IQCM: variants seen among roughly 807,000 people sequenced by gnomAD.
The protein encoded by IQCM is IQ domain-containing protein M.
In IQCM, 45 loss-of-function variants were observed where a neutral mutation model predicts 57.6. That is an observed-to-expected ratio of 0.78 (90% CI 0.62 to 1.00). The LOEUF is 1.00. IQCM is among the 50% of genes least tolerant of loss of function. IQCM has a pLI of 0.00. For synonymous variants in IQCM, 148 were observed against 158.9 expected (o/e 0.93, Z 0.51); for missense variants, 468 against 511.6 (o/e 0.91, Z 0.82).
In IQCM at chr4:149,726,140, A is replaced by AAAAG. The variant is rs149830225; in HGVS notation, c.385+7100_385+7103dup. ...GAAAGAAAGAAAGAAAGAAAGAAAGAAAAGAAAGAAAGAAAGAATTTCATT... is the reference window on the plus strand; with the variant it reads ...GAAAGAAAGAAAGAAAGAAAGAAAGAAAAGAAAGAAAGAAAGAAAGAATTTCATT... On this transcript the variant is annotated intron_variant, in intron 5 of 13. Transcript: ENST00000636793. 6.5e-4 allele frequency among the ~76,000 whole-genome samples: 85 copies of AAAAG among 130,820 alleles called. 2 individuals carry two copies. The highest frequency in any genetic ancestry group is 1.3e-3 in the Non-Finnish European group (77 of 60,736). 85.8% of individuals were successfully genotyped at this position (130,820 alleles called of 152,430 possible). A position where few individuals can be genotyped will look rare whatever the true frequency, so the allele number is the denominator to read the frequency against.
Position 149,594,813 on chromosome 4 carries a change from C to T in IQCM, c.682-6816G>A, listed in dbSNP as rs1304708899. Among the ~76,000 whole-genome samples the T allele has an allele frequency of 2.0e-5, 3 of 152,130 alleles. No individual in the cohort carries two copies. In the East Asian group the frequency reaches 5.8e-4, roughly 29 times the overall value. On this transcript the variant is annotated intron_variant, in intron 8 of 13. Coordinates refer to ENST00000636793, the MANE Select transcript of IQCM (RefSeq NM_001363507.2). ...AGTTCTAGTTTGATTGTACTGTGGTCTGAGAGACAGTTTGTTGTAATTTCT... is the reference window on the plus strand; with the variant it reads ...AGTTCTAGTTTGATTGTACTGTGGTTTGAGAGACAGTTTGTTGTAATTTCT...
At chr4:149,357,088 T>C (rs1301863079) in intron 13 of IQCM, among the ~76,000 whole-genome samples, 2 of 152,216 alleles carry the variant, frequency 1.3e-5, no homozygotes, top group African/African-American at 4.8e-5. Context: ...TTTTTGCACA[T>C]TGATTTTGTA....
intron 12 of IQCM, among the ~76,000 whole-genome samples, chr4:149,547,692 G>T (rs762926830): frequency 5.9e-5 from 9 of 152,224 alleles, no homozygotes; most frequent in South Asian, 2.1e-4. Flanking sequence ...GACTATGAAT[G>T]GTGATGGATA....
chr4:149,477,696 C>T (rs942478121), intron 12 of IQCM, among the ~76,000 whole-genome samples: 3 of 152,048 alleles, frequency 2.0e-5, no homozygotes, highest in African/African-American at 7.2e-5. Context: ...AAGGATAGGT[C>T]ACTGTAAATG....
chr4:149,685,455 T>C (rs1196721052), intron 6 of IQCM, among the ~76,000 whole-genome samples: 3 of 151,458 alleles, frequency 2.0e-5, no homozygotes, highest in Non-Finnish European at 4.4e-5. Context: ...ACCTTTAGTA[T>C]TAAGGCTGTG....
At chr4:149,619,045 T>C (rs1756052282) in intron 8 of IQCM, among the ~76,000 whole-genome samples, 1 of 149,016 alleles carries the variant, frequency 6.7e-6, no homozygotes, top group South Asian at 2.1e-4. Flanking sequence ...CTGTTTACAA[T>C]AACAAAGTCA....
At chr4:149,556,329 A>T (rs1029121213) in intron 10 of IQCM, among the ~76,000 whole-genome samples, 20 of 147,482 alleles carry the variant, frequency 1.4e-4, no homozygotes, top group Non-Finnish European at 2.5e-4. Context: ...TAATTTATTC[A>T]TTGTTTGGAG....
chr4:149,652,265 G>A, intron 7 of IQCM, among the ~76,000 whole-genome samples: 1 of 152,012 alleles, frequency 6.6e-6, no homozygotes, highest in South Asian at 2.1e-4. Context: ...ATGGACACAC[G>A]GAGGGAAACT....
chr4:149,749,467 G>A (rs148196193), intron 2 of IQCM, among the ~76,000 whole-genome samples: 1 of 152,098 alleles, frequency 6.6e-6, no homozygotes, highest in Non-Finnish European at 1.5e-5. Context: ...ATAATATAAA[G>A]TTCAAAAACA....
chr4:149,748,411 G>C (rs999169285), intron 2 of IQCM, among the ~76,000 whole-genome samples: 5 of 152,158 alleles, frequency 3.3e-5, no homozygotes, highest in African/African-American at 9.7e-5. Flanking sequence ...CAAAAAAGCA[G>C]TTATTAATAC....
chr4:149,735,947 CTT>C (rs142987177), intron 3 of IQCM, among the ~76,000 whole-genome samples: 14 of 139,786 alleles, frequency 1.0e-4, no homozygotes, highest in African/African-American at 1.0e-4. Context: ...TTTCTTTCGA[CTT>C]TTTTTTTTTT....
chr4:149,455,293 G>T (rs1434449326), intron 12 of IQCM, among the ~76,000 whole-genome samples: 1 of 151,976 alleles, frequency 6.6e-6, no homozygotes, highest in African/African-American at 2.4e-5. Flanking sequence ...CTCAATGCAG[G>T]ATTTACCCCA....
At chr4:149,452,189 A>T (rs1737190475) in intron 12 of IQCM, among the ~76,000 whole-genome samples, 1 of 151,708 alleles carries the variant, frequency 6.6e-6, no homozygotes, top group South Asian at 2.1e-4. Context: ...AGTAGAAGTT[A>T]AGGAAAATCT....
At chr4:149,704,218 A>AT (rs1763985583) in intron 5 of IQCM, among the ~76,000 whole-genome samples, 1 of 151,952 alleles carries the variant, frequency 6.6e-6, no homozygotes, top group Non-Finnish European at 1.5e-5. Context: ...TACACACTGT[A>AT]TTCAGAAGAT....
intron 7 of IQCM, among the ~76,000 whole-genome samples, chr4:149,635,478 A>G (rs1019042269): frequency 2.6e-5 from 4 of 152,194 alleles, no homozygotes; most frequent in Non-Finnish European, 5.9e-5. Flanking sequence ...AATTATTTCT[A>G]TGTATAAAAT....
At chr4:149,712,240 A>G (rs1038237844) in intron 5 of IQCM, among the ~76,000 whole-genome samples, 2 of 152,172 alleles carry the variant, frequency 1.3e-5, no homozygotes, top group Non-Finnish European at 2.9e-5. Context: ...AGAGAAATTA[A>G]TAACTACCTT....
chr4:149,553,706 A>G (rs1271681897), intron 10 of IQCM, among the ~76,000 whole-genome samples: 1 of 152,174 alleles, frequency 6.6e-6, no homozygotes, highest in African/African-American at 2.4e-5. Context: ...GAAATTATAC[A>G]TTCATGTCCT....
At chr4:149,524,496 T>G (rs916619132) in intron 12 of IQCM, among the ~76,000 whole-genome samples, 2 of 151,676 alleles carry the variant, frequency 1.3e-5, no homozygotes, top group Non-Finnish European at 2.9e-5. Flanking sequence ...TAGAGAAGAG[T>G]GAAAAATGAA....
At chr4:149,492,101 G>A (rs1050927980) in intron 12 of IQCM, among the ~76,000 whole-genome samples, 16 of 151,798 alleles carry the variant, frequency 1.1e-4, no homozygotes, top group African/African-American at 3.9e-4. Flanking sequence ...TCTTAATCTG[G>A]TGTTTTGTTT....
Sources: gnomAD v4.1 joint callset for allele counts (sites outside exome capture counted in the v4.1 genomes callset) on GRCh38, gnomAD v4.1.1 for gene constraint, MANE v1.5 for transcripts, NCBI Gene and HGNC (gene_info 2026-07-23, HGNC 2026-07-21) for gene names.